The following TK2 variants were observed in gnomAD, a reference collection of about 807,000 sequenced individuals.
The protein encoded by TK2 is thymidine kinase 2, mitochondrial.
Under a neutral mutation model 41.9 loss-of-function variants are expected in TK2, and 35 were observed. The observed-to-expected ratio is 0.84, with a 90% CI of 0.64 to 1.11. The LOEUF (loss-of-function observed/expected upper bound fraction) is 1.11. Among genes scored for constraint, TK2 ranks in the 50% least tolerant of loss-of-function variants. TK2 has a pLI of 0.00. For missense variants in TK2, 320 were observed against 351.1 expected (o/e 0.91, Z 0.71); for synonymous variants, 128 against 129.1 (o/e 0.99, Z 0.06).
chr16:66,515,429 G>C (rs1388989114), intron 8 of TK2, among the ~76,000 whole-genome samples: 1 of 152,246 alleles, frequency 6.6e-6, no homozygotes, highest in African/African-American at 2.4e-5. Flanking sequence ...CAAGGGAAAA[G>C]GGGCACAGGC....
intron 2 of TK2, among the ~76,000 whole-genome samples, chr16:66,542,639 G>C (rs980788691): frequency 6.6e-6 from 1 of 152,170 alleles, no homozygotes; most frequent in African/African-American, 2.4e-5. Flanking sequence ...GGGAGGGAAA[G>C]GGGGTCATGG....
chr16:66,538,112 A>G (rs1307900899), intron 3 of TK2, among the ~76,000 whole-genome samples: 1 of 152,086 alleles, frequency 6.6e-6, no homozygotes, highest in African/African-American at 2.4e-5. Flanking sequence ...GCAGTGAGCC[A>G]AGATCGCGCT....
At chr16:66,512,387 A>G (rs1195056807) in intron 9 of TK2, among the ~76,000 whole-genome samples, 1 of 152,134 alleles carries the variant, frequency 6.6e-6, no homozygotes, top group Non-Finnish European at 1.5e-5. Flanking sequence ...ACACAGTGAG[A>G]CCCTGTAAGC....
intron 4 of TK2, among the ~76,000 whole-genome samples, chr16:66,532,908 C>T (rs1194987755): frequency 6.6e-6 from 1 of 151,750 alleles, no homozygotes; most frequent in Non-Finnish European, 1.5e-5. Flanking sequence ...CCACAAAAGA[C>T]CCCAAATAGC....
rs1373389153 is a variant in TK2 at position 66,549,022 on chromosome 16, G to C, written c.125-13C>G. ...TCCTGTTCTTTATCTACAAAAGAAA[G>C]GAAATCAGTTTTTAAACTCACTTTT... On this transcript the variant is annotated splice_polypyrimidine_tract_variant and intron_variant, in intron 1 of 9. Coordinates refer to ENST00000544898, the MANE Select transcript of TK2 (RefSeq NM_004614.5). The C allele has an allele frequency of 1.2e-6, 2 of 1,613,408 alleles. No homozygotes were observed. Among genetic ancestry groups the C allele is most frequent in the Non-Finnish European group, 1.7e-6 (2 of 1,179,580 alleles).
intron 2 of TK2, 69 bp downstream of exon 2, chr16:66,548,909 C>G: frequency 2.0e-6 from 3 of 1,479,492 alleles, no homozygotes; most frequent in South Asian, 1.2e-5. Context: ...GCTTTTTACT[C>G]TGCTTTTTTC....
rs1339033556 is a variant in TK2 at position 66,513,821 on chromosome 16, A to G, written c.619-10T>C. On this transcript the variant is annotated splice_polypyrimidine_tract_variant and intron_variant, in intron 8 of 9. Coordinates refer to ENST00000544898, the MANE Select transcript of TK2 (RefSeq NM_004614.5). ...TTGCTTCCAGGTATTCCTGCCAGGG[A>G]AACACAAGCAGTCTGTCGGGAGTGG... is the stretch of plus-strand genomic sequence containing the variant. The G allele has an allele frequency of 3.1e-6, 5 of 1,613,646 alleles. No individual in the cohort carries two copies. Among genetic ancestry groups the G allele is most frequent in the Non-Finnish European group, 4.2e-6 (5 of 1,179,876 alleles).
intron 2 of TK2, among the ~76,000 whole-genome samples, chr16:66,544,871 G>T (rs1240148930): frequency 6.6e-6 from 1 of 152,114 alleles, no homozygotes; most frequent in Non-Finnish European, 1.5e-5. Context: ...GGGATCATTT[G>T]AGGTCAGGAG....
At chr16:66,550,276 G>T, upstream of TK2, 1 of 1,587,672 alleles carries the variant, frequency 6.3e-7, no homozygotes, top group African/African-American at 1.3e-5. Flanking sequence ...CTGGCAGAAC[G>T]CACCCATAAC....
intron 3 of TK2, among the ~76,000 whole-genome samples, chr16:66,539,569 C>T (rs548636470): frequency 1.4e-5 from 2 of 147,280 alleles, no homozygotes; most frequent in African/African-American, 5.0e-5. Context: ...CCACTGCACT[C>T]CAGCCTGGGT....
At chr16:66,550,129 C>G, upstream of TK2, 3 of 1,612,180 alleles carry the variant, frequency 1.9e-6, no homozygotes, top group Non-Finnish European at 2.5e-6. Flanking sequence ...GACTGCTAGT[C>G]CAGCCGTTGG....
At chr16:66,532,778 T>C (rs79647426) in intron 4 of TK2, among the ~76,000 whole-genome samples, 10,419 of 151,962 alleles carry the variant, frequency 0.069, 514 homozygotes, top group South Asian at 0.17. Flanking sequence ...GAAGAACTAA[T>C]ACTATTAAAA....
At chr16:66,527,319 C>G (rs998385750) in intron 6 of TK2, among the ~76,000 whole-genome samples, 2 of 152,186 alleles carry the variant, frequency 1.3e-5, no homozygotes, top group African/African-American at 2.4e-5. Flanking sequence ...GGGGCAGAGG[C>G]TCTCATTTTG....
At chr16:66,519,848 G>A (rs544904739) in intron 6 of TK2, among the ~76,000 whole-genome samples, 2 of 152,298 alleles carry the variant, frequency 1.3e-5, no homozygotes, top group African/African-American at 2.4e-5. Context: ...GGGCAGGGAG[G>A]GGCTGACTCC....
At chr16:66,526,798 C>G (rs1964945792) in intron 6 of TK2, among the ~76,000 whole-genome samples, 1 of 152,162 alleles carries the variant, frequency 6.6e-6, no homozygotes, top group Non-Finnish European at 1.5e-5. Context: ...ACAGAACAGG[C>G]CAAGCTGAAT....
At chr16:66,535,482 C>T (rs1965249182) in intron 4 of TK2, among the ~76,000 whole-genome samples, 1 of 152,190 alleles carries the variant, frequency 6.6e-6, no homozygotes, top group Admixed American at 6.5e-5. Flanking sequence ...ACTGGTATTC[C>T]ATCTTCTCCC....
At chr16:66,528,474 A>G (rs1965003492) in intron 6 of TK2, among the ~76,000 whole-genome samples, 1 of 152,174 alleles carries the variant, frequency 6.6e-6, no homozygotes, top group Non-Finnish European at 1.5e-5. Flanking sequence ...GCCTTGTACC[A>G]TGCTGTGTAA....
chr16:66,520,777 G>A (rs1170457368), intron 6 of TK2, among the ~76,000 whole-genome samples: 1 of 152,248 alleles, frequency 6.6e-6, no homozygotes, highest in African/African-American at 2.4e-5. Flanking sequence ...GCTACCCTGA[G>A]TTGGGTTTCA....
rs886052210 is a variant in TK2 at position 66,517,890 on chromosome 16, T to C, written c.450-13A>G. The C allele has an allele frequency of 1.2e-6, 2 of 1,609,982 alleles. No homozygotes were observed. Among genetic ancestry groups the C allele is most frequent in the Middle Eastern group, 1.7e-4 (1 of 6,054 alleles). On this transcript the variant is annotated splice_polypyrimidine_tract_variant and intron_variant, in intron 6 of 9. Transcript: ENST00000544898. The surrounding 1 kb of genome is among the most constrained non-coding windows in gnomAD (Gnocchi z 4.3). ...TGGCATCTTCCCACTGCAATGAGAG[T>C]TGTAAGGGCTTATTCACCTAAGAGA...
Sources: allele counts gnomAD v4.1 joint callset (sites outside exome capture counted in the v4.1 genomes callset), GRCh38; gene constraint gnomAD v4.1.1; non-coding constraint Gnocchi (gnomAD v3.1); transcripts MANE v1.5; gene names NCBI Gene and HGNC (gene_info 2026-07-23, HGNC 2026-07-21).